Variants in ARMH3 observed in about 807,000 individuals in gnomAD.
ARMH3 encodes armadillo like helical domain containing 3.
In ARMH3, 60 loss-of-function variants were observed where a neutral mutation model predicts 99.1. The observed-to-expected ratio is 0.61, with a 90% CI of 0.49 to 0.75. The LOEUF (loss-of-function observed/expected upper bound fraction) is 0.75, where lower values mean the gene tolerates loss of function less well. Ranked by LOEUF, ARMH3 falls within the 30% of genes least tolerant of loss-of-function variation. The pLI, the probability that ARMH3 is intolerant of heterozygous loss-of-function variation, is 0.00. For missense variants in ARMH3, 679 were observed against 843.1 expected, an observed-to-expected ratio of 0.81 and a Z score of 2.41; for synonymous variants, 285 against 292.8, an observed-to-expected ratio of 0.97 and a Z score of 0.27.
intron 23 of ARMH3, among the ~76,000 whole-genome samples, chr10:101,903,176 T>G (rs1041325092): frequency 3.3e-5 from 5 of 152,232 alleles, no homozygotes; most frequent in African/African-American, 1.2e-4. Context: ...TTTTCTCCTC[T>G]CTTACTCTGC....
At chr10:102,030,712 A>T (rs1205159471) in intron 4 of ARMH3, among the ~76,000 whole-genome samples, 1 of 135,444 alleles carries the variant, frequency 7.4e-6, no homozygotes, top group East Asian at 2.0e-4. Context: ...TCCGTCTCAA[A>T]AATAATAATA....
chr10:101,957,603 C>A, intron 21 of ARMH3, 47 bp downstream of exon 21: 1 of 1,559,460 alleles, frequency 6.4e-7, no homozygotes, highest in Non-Finnish European at 8.7e-7. Flanking sequence ...TGCATTTCTG[C>A]CTTAGCATAT....
chr10:101,959,903 C>T lies in ARMH3; in HGVS notation c.1496-2171G>A, dbSNP rs532674034. On this transcript the variant is annotated intron_variant, in intron 20 of 25. Transcript: ENST00000370033. Reference sequence around the variant, plus strand: ...GTAAGAATTCTCTACAGGGGCTGGGCGCAGTGGCTCACGCCTGTAATCCTA... The same window carrying T: ...GTAAGAATTCTCTACAGGGGCTGGGTGCAGTGGCTCACGCCTGTAATCCTA... Among the ~76,000 whole-genome samples the T allele has an allele frequency of 1.2e-4, 18 of 152,284 alleles. No homozygotes were observed. In the South Asian group the frequency reaches 2.1e-3, roughly 18 times the overall value.
At chr10:101,881,091 C>T (rs962868141) in intron 24 of ARMH3, among the ~76,000 whole-genome samples, 6 of 152,130 alleles carry the variant, frequency 3.9e-5, no homozygotes, top group Non-Finnish European at 5.9e-5. Context: ...AACCTACTCC[C>T]ACAAATGAAT....
chr10:101,906,313 T>C (rs1364421673), intron 23 of ARMH3, among the ~76,000 whole-genome samples: 1 of 152,226 alleles, frequency 6.6e-6, no homozygotes, highest in Non-Finnish European at 1.5e-5. Context: ...TGGGCAACTT[T>C]GACTTTATTA....
intron 23 of ARMH3, among the ~76,000 whole-genome samples, chr10:101,914,995 C>T (rs1164123446): frequency 6.6e-6 from 1 of 151,366 alleles, no homozygotes; most frequent in East Asian, 1.9e-4. Context: ...TGCAAGTATT[C>T]GTAACCATGA....
At chr10:101,872,286 T>C (rs1229595703) in intron 24 of ARMH3, among the ~76,000 whole-genome samples, 2 of 150,448 alleles carry the variant, frequency 1.3e-5, no homozygotes, top group Non-Finnish European at 3.0e-5. Flanking sequence ...ACAACCTGCA[T>C]CAAAAATATA....
chr10:101,964,396 C>T (rs559999407), intron 20 of ARMH3, among the ~76,000 whole-genome samples: 6 of 152,232 alleles, frequency 3.9e-5, no homozygotes, highest in Non-Finnish European at 5.9e-5. Flanking sequence ...AAAAAACAAG[C>T]GATTGCAGGA....
intron 23 of ARMH3, among the ~76,000 whole-genome samples, chr10:101,920,090 G>A (rs547867789): frequency 1.2e-4 from 18 of 152,178 alleles, no homozygotes; most frequent in Admixed American, 2.0e-4. Context: ...ATCTATTTTC[G>A]AGAAAGAGTC....
At chr10:101,951,684 T>C (rs1488837983) in intron 22 of ARMH3, among the ~76,000 whole-genome samples, 1 of 151,852 alleles carries the variant, frequency 6.6e-6, no homozygotes, top group East Asian at 1.9e-4. Context: ...CTGGCCAACA[T>C]GGTGAAACCC....
At chr10:102,042,481 A>ATC (rs1020471341) in intron 1 of ARMH3, among the ~76,000 whole-genome samples, 5 of 152,220 alleles carry the variant, frequency 3.3e-5, no homozygotes, top group East Asian at 3.8e-4. Context: ...AACAATTCCA[A>ATC]TCCAAACTAC....
At chr10:101,940,880 T>C (rs980780156) in intron 22 of ARMH3, among the ~76,000 whole-genome samples, 7 of 152,160 alleles carry the variant, frequency 4.6e-5, no homozygotes, top group Non-Finnish European at 1.0e-4. Flanking sequence ...CACATGCCAT[T>C]TTAGAAAAGA....
At chr10:101,911,537 G>C (rs1314801495) in intron 23 of ARMH3, among the ~76,000 whole-genome samples, 2 of 152,138 alleles carry the variant, frequency 1.3e-5, no homozygotes, top group African/African-American at 4.8e-5. Flanking sequence ...AGGAGTTCGA[G>C]ATCAGCATGG....
chr10:102,009,271 C>T (rs2066576994), intron 13 of ARMH3, 103 bp downstream of exon 13: 2 of 1,065,250 alleles, frequency 1.9e-6, no homozygotes, highest in Non-Finnish European at 2.8e-6. Context: ...CTTACCAATG[C>T]AAAGCAGGGT....
chr10:101,993,826 G>A (rs1207132868), intron 16 of ARMH3, among the ~76,000 whole-genome samples: 1 of 152,122 alleles, frequency 6.6e-6, no homozygotes, highest in Non-Finnish European at 1.5e-5. Context: ...AAATTTCCAA[G>A]CAAAAACAAT....
intron 23 of ARMH3, among the ~76,000 whole-genome samples, chr10:101,933,804 T>C (rs941477633): frequency 5.3e-5 from 8 of 152,252 alleles, no homozygotes; most frequent in Non-Finnish European, 1.0e-4. Context: ...GTTATGTTCA[T>C]GTACTCCCTG....
At chr10:102,007,159 C>CAACAAAAAAAA (rs2066513418) in intron 13 of ARMH3, among the ~76,000 whole-genome samples, 1 of 60,054 alleles carries the variant, frequency 1.7e-5, no homozygotes. Context: ...GACTCTATCT[C>CAACAAAAAAAA]AAAAAAAAAA....
At chr10:101,987,797 T>C (rs1846580440) in intron 19 of ARMH3, among the ~76,000 whole-genome samples, 1 of 152,146 alleles carries the variant, frequency 6.6e-6, no homozygotes, top group Non-Finnish European at 1.5e-5. Flanking sequence ...AACCATTAGG[T>C]GAGCCTGAAA....
intron 1 of ARMH3, among the ~76,000 whole-genome samples, chr10:102,043,533 T>C (rs2067471253): frequency 6.6e-6 from 1 of 152,076 alleles, no homozygotes; most frequent in Admixed American, 6.5e-5. Flanking sequence ...AAGCAAATCA[T>C]GAGAAATAAA....
Sources: allele counts gnomAD v4.1 joint callset (sites outside exome capture counted in the v4.1 genomes callset), GRCh38; gene constraint gnomAD v4.1.1; transcripts MANE v1.5; gene names NCBI Gene and HGNC (gene_info 2026-07-23, HGNC 2026-07-21).